Variants in STAB2 observed in about 807,000 individuals in gnomAD.
The protein encoded by STAB2 is stabilin 2.
Under a neutral mutation model 338.1 loss-of-function variants are expected in STAB2, and 288 were observed. The observed-to-expected ratio is 0.85, with a 90% CI of 0.77 to 0.94. STAB2 has a LOEUF of 0.94. Ranked by LOEUF, STAB2 falls within the 40% of genes least tolerant of loss-of-function variation. The pLI, the probability that STAB2 is intolerant of heterozygous loss-of-function variation, is 0.00. For synonymous variants in STAB2, 1,202 were observed against 1,193.3 expected (o/e 1.01, Z -0.15); for missense variants, 3,141 against 3,210.1 (o/e 0.98, Z 0.52).
intron 3 of STAB2, among the ~76,000 whole-genome samples, chr12:103,595,001 T>A (rs1321266324): frequency 6.6e-6 from 1 of 152,166 alleles, no homozygotes; most frequent in Non-Finnish European, 1.5e-5. Flanking sequence ...TAAAGTTAAT[T>A]GTGTAGAGAT....
At chr12:103,599,795 C>A (rs1006824382) in intron 3 of STAB2, among the ~76,000 whole-genome samples, 2 of 152,156 alleles carry the variant, frequency 1.3e-5, no homozygotes, top group African/African-American at 2.4e-5. Flanking sequence ...TTAAGATGTG[C>A]CTGGTGGATG....
chr12:103,700,485 CTTGA>C (rs1180009204), intron 34 of STAB2, among the ~76,000 whole-genome samples: 2 of 152,318 alleles, frequency 1.3e-5, no homozygotes, highest in Admixed American at 6.5e-5. Context: ...CTTTCTGACT[CTTGA>C]TTGATTAAAG....
intron 3 of STAB2, among the ~76,000 whole-genome samples, chr12:103,611,517 C>T (rs1047890515): frequency 1.1e-4 from 17 of 151,938 alleles, no homozygotes; most frequent in African/African-American, 3.9e-4. Flanking sequence ...CAACCCCTGC[C>T]TTTTTTTGTT....
At chr12:103,622,141 T>C in intron 5 of STAB2, 30 bp downstream of exon 5, 2 of 1,609,708 alleles carry the variant, frequency 1.2e-6, no homozygotes. Context: ...AATCACCACA[T>C]TTGTAAGGGT....
rs566826843 is a variant in STAB2 at position 103,658,739 on chromosome 12, T to A, written c.1735-1592T>A. ...CCCCTACCCATGCCCTTTAATTTAC[T>A]GGCACAAATGTTTATGGAAAACTTA... On this transcript the variant is annotated intron_variant, in intron 15 of 68. Coordinates refer to ENST00000388887, the MANE Select transcript of STAB2 (RefSeq NM_017564.10). 2.0e-5 allele frequency among the ~76,000 whole-genome samples: 3 copies of A among 152,290 alleles called. No homozygotes were observed. In the South Asian group the frequency reaches 6.2e-4, roughly 32 times the overall value.
chr12:103,621,302 C>T (rs1263853532), intron 4 of STAB2, among the ~76,000 whole-genome samples: 1 of 143,982 alleles, frequency 6.9e-6, no homozygotes, highest in Non-Finnish European at 1.6e-5. Flanking sequence ...TTAGGCTTAC[C>T]GGTTCAAGAT....
At chr12:103,668,750 GC>G (rs1172840754) in intron 20 of STAB2, 21 bp downstream of exon 20, 5 of 1,528,378 alleles carry the variant, frequency 3.3e-6, no homozygotes, top group Middle Eastern at 1.8e-4. Flanking sequence ...CGTGGCCGAG[GC>G]CCAGTCTAGG....
At chr12:103,677,402 T>A (rs1256247330) in intron 24 of STAB2, 51 bp from the exon 25 acceptor site, 2 of 1,547,450 alleles carry the variant, frequency 1.3e-6, no homozygotes, top group East Asian at 2.3e-5. Flanking sequence ...TTTGGAATCA[T>A]GTGGCTGGAC....
Position 103,596,768 on chromosome 12 carries a change from A to G in STAB2, c.331+2258A>G, listed in dbSNP as rs1431108212. Among the ~76,000 whole-genome samples the G allele has an allele frequency of 3.3e-5, 5 of 152,168 alleles. No individual in the cohort carries two copies. In the East Asian group the frequency reaches 9.7e-4, roughly 29 times the overall value. On this transcript the variant is annotated intron_variant, in intron 3 of 68. Transcript: ENST00000388887. ...ATCACACTGTGCTATGTGCAGACCA[A>G]TGAGGCAAGGTCCACATCTACAACC...
Position 103,662,857 on chromosome 12 carries a change from G to A in STAB2, c.1881G>A (p.Leu627=), listed in dbSNP as rs77020685. The A allele has an allele frequency of 1.2e-3, 1,930 of 1,614,140 alleles. 20 individuals carry two copies. In the African/African-American group the frequency reaches 0.023, roughly 19 times the overall value. Reference sequence around the variant, plus strand: ...TTTTTTCTTTCCAGGGACAGATTCTGGCAAATGATGTGGCAATGGAAGAAA... The same window carrying A: ...TTTTTTCTTTCCAGGGACAGATTCTAGCAAATGATGTGGCAATGGAAGAAA... ...QFNTTDNGQI[L]ANDVAMEEIE... is the part of the protein sequence containing the mutation. Residue 627 remains leucine (L), a synonymous_variant, in exon 18 of 69, where the codon CTG becomes CTA. Transcript: ENST00000388887.
chr12:103,594,013 A>G (rs1956837965), intron 2 of STAB2, among the ~76,000 whole-genome samples: 1 of 152,208 alleles, frequency 6.6e-6, no homozygotes, highest in Admixed American at 6.5e-5. Context: ...TTTGCTTTAA[A>G]TCCACACATA....
intron 41 of STAB2, among the ~76,000 whole-genome samples, 190 bp downstream of exon 41, chr12:103,712,633 G>A (rs1879972032): frequency 6.6e-6 from 1 of 152,132 alleles, no homozygotes; most frequent in Admixed American, 6.5e-5. Context: ...ACCACAATTG[G>A]GATCACCTGG....
At chr12:103,698,518 C>G (rs548297497) in intron 33 of STAB2, among the ~76,000 whole-genome samples, 1 of 152,148 alleles carries the variant, frequency 6.6e-6, no homozygotes, top group Non-Finnish European at 1.5e-5. Context: ...GACATAGGCT[C>G]TCTCAGACAC....
chr12:103,734,173 C>T (rs1249648295), intron 51 of STAB2, among the ~76,000 whole-genome samples: 1 of 130,468 alleles, frequency 7.7e-6, no homozygotes, highest in Non-Finnish European at 1.6e-5. Flanking sequence ...TAGGAGCAAG[C>T]ACGATCATAT....
In STAB2 at chr12:103,670,788, C is replaced by T. The variant is rs200941853; in HGVS notation, c.2352C>T (p.Tyr784=). The change falls in exon 22 of 69, where the codon TAC becomes TAT. Residue 784 remains tyrosine, a synonymous_variant. Coordinates refer to ENST00000388887, the MANE Select transcript of STAB2 (RefSeq NM_017564.10). ...QCQFCSDPNK[Y]GPRCNKKCLC... is the part of the protein sequence containing the mutation. ...AGTTCTGCTCTGATCCCAATAAATA[C>T]GGACCTCGGTGTAACAAAAGTAAGT... is the stretch of plus-strand genomic sequence containing the variant. 107 of 1,613,910 alleles carry T rather than the reference C, an allele frequency of 6.6e-5. 2 individuals are homozygous for T. In the East Asian group the frequency reaches 1.4e-3, roughly 20 times the overall value.
At chr12:103,611,670 C>A (rs1957125002) in intron 3 of STAB2, among the ~76,000 whole-genome samples, 2 of 152,134 alleles carry the variant, frequency 1.3e-5, no homozygotes, top group South Asian at 4.2e-4. Flanking sequence ...TTAATTGGAG[C>A]ATTTAGCCCA....
intron 38 of STAB2, among the ~76,000 whole-genome samples, chr12:103,708,122 C>T (rs1419930519): frequency 6.6e-6 from 1 of 152,110 alleles, no homozygotes; most frequent in African/African-American, 2.4e-5. Flanking sequence ...TCAAAGGAGC[C>T]CTGCATAACC....
intron 11 of STAB2, among the ~76,000 whole-genome samples, chr12:103,652,248 C>A (rs1279496933): frequency 1.3e-5 from 2 of 152,334 alleles, no homozygotes; most frequent in East Asian, 1.9e-4. Flanking sequence ...GGGGCCATTG[C>A]GATGCTGTGC....
chr12:103,750,845 C>T (rs1883575511), intron 60 of STAB2, 125 bp downstream of exon 60: 1 of 1,294,376 alleles, frequency 7.7e-7, no homozygotes, highest in Non-Finnish European at 1.0e-6. Context: ...AATCCCAATA[C>T]TTTGGGAGGC....
Sources: gnomAD v4.1 joint callset for allele counts (sites outside exome capture counted in the v4.1 genomes callset) on GRCh38, gnomAD v4.1.1 for gene constraint, MANE v1.5 for transcripts, NCBI Gene and HGNC (gene_info 2026-07-23, HGNC 2026-07-21) for gene names.